The following SANBR variants were observed in gnomAD, a reference collection of about 807,000 sequenced individuals.
SANBR encodes SANT and BTB domain regulator of CSR.
SANBR carries 77 observed loss-of-function variants against 101.8 expected under a neutral mutation model. The observed-to-expected ratio is 0.76, with a 90% CI of 0.63 to 0.91. SANBR has a LOEUF of 0.91. Ranked by LOEUF, SANBR falls within the 40% of genes least tolerant of loss-of-function variation. The probability of loss-of-function intolerance (pLI) is 0.00; values close to 1 mark genes in which losing one functional copy is unlikely to be tolerated. For synonymous variants in SANBR, 279 were observed against 274.7 expected (o/e 1.02, Z -0.15); for missense variants, 875 against 853.0 (o/e 1.03, Z -0.32).
intron 8 of SANBR, among the ~76,000 whole-genome samples, chr2:61,083,855 C>T (rs956351525): frequency 1.3e-5 from 2 of 149,156 alleles, no homozygotes; most frequent in Admixed American, 6.7e-5. Flanking sequence ...GGTGACAGAG[C>T]GAGACTCCGT....
chr2:61,105,991 C>T (rs1385481082), intron 13 of SANBR, among the ~76,000 whole-genome samples: 1 of 152,154 alleles, frequency 6.6e-6, no homozygotes, highest in East Asian at 1.9e-4. Flanking sequence ...TAAAGCAGTA[C>T]CAATTATAGC....
chr2:61,122,068 C>T, intron 21 of SANBR, 58 bp from the exon 22 acceptor site: 10 of 1,535,672 alleles, frequency 6.5e-6, no homozygotes, highest in Non-Finnish European at 8.8e-6. Flanking sequence ...TAAAGGAGCA[C>T]CAACTTCCTA....
At chr2:61,081,790 A>G (rs1360213078) in intron 7 of SANBR, among the ~76,000 whole-genome samples, 2 of 152,108 alleles carry the variant, frequency 1.3e-5, no homozygotes, top group African/African-American at 4.8e-5. Context: ...CTGGGACTAC[A>G]GGCGCATGCC....
chr2:61,071,646 C>T lies in SANBR; in HGVS notation c.191C>T (p.Ser64Leu), dbSNP rs747454937. ...RFDELKSSGS[S>L]PVDNQYNSLM... Reference sequence around the variant, plus strand: ...GATGAATTAAAGAGCAGTGGAAGCTCGCCTGTTGACAACCAGTATAATTCC... The same window carrying T: ...GATGAATTAAAGAGCAGTGGAAGCTTGCCTGTTGACAACCAGTATAATTCC... The change falls in exon 4 of 22, where the codon TCG becomes TTG. Residue 64 changes from serine (S) to leucine (L), a missense_variant. By Grantham distance (145) the Ser-to-Leu change is moderately radical. Coordinates refer to ENST00000402291, the MANE Select transcript of SANBR (RefSeq NM_001129993.3). 9 of 1,581,548 alleles carry T rather than the reference C, an allele frequency of 5.7e-6. No individual in the cohort carries two copies. Among genetic ancestry groups the T allele is most frequent in the Non-Finnish European group, 6.8e-6 (8 of 1,169,762 alleles).
At chr2:61,121,340 A>AATCATATGAACACTAGAAACAT in intron 21 of SANBR, 64 bp downstream of exon 21, 3 of 1,087,924 alleles carry the variant, frequency 2.8e-6, no homozygotes, top group Non-Finnish European at 4.1e-6. Context: ...TTTTAAGATA[A>AATCATATGAACACTAGAAACAT]ATCATATGAA....
chr2:61,099,847 G>A (rs574347358), intron 12 of SANBR, among the ~76,000 whole-genome samples: 3 of 152,282 alleles, frequency 2.0e-5, no homozygotes, highest in African/African-American at 7.2e-5. Flanking sequence ...AGAGTGGACT[G>A]TGGTGCCTAA....
At chr2:61,066,136 G>A (rs1483505205) in intron 1 of SANBR, 109 bp downstream of exon 1, 1 of 152,248 alleles carries the variant, frequency 6.6e-6, no homozygotes, top group African/African-American at 2.4e-5. Flanking sequence ...CCCACCCCGG[G>A]CGGGGTCCCA....
Position 61,070,744 on chromosome 2 carries a change from AAT to A in SANBR, c.150+251_150+252del, listed in dbSNP as rs201414623. Among the ~76,000 whole-genome samples the A allele has an allele frequency of 8.8e-5, 13 of 147,190 alleles. No individual in the cohort carries two copies. In the East Asian group the frequency reaches 2.5e-3, roughly 29 times the overall value. The stretch of plus-strand genomic sequence containing the variant: ...ATTTATATATAATATTTTATATATA[AAT>A]ATATATTTTATATTATATATATATT... On this transcript the variant is annotated intron_variant, in intron 3 of 21. Transcript: ENST00000402291.
At chr2:61,108,139 G>T (rs538599302) in intron 14 of SANBR, among the ~76,000 whole-genome samples, 178 bp from the exon 15 acceptor site, 1 of 152,258 alleles carries the variant, frequency 6.6e-6, no homozygotes, top group Non-Finnish European at 1.5e-5. Flanking sequence ...TCCTCCTCTA[G>T]CAGAGGATAT....
intron 4 of SANBR, 52 bp downstream of exon 4, chr2:61,071,844 A>T: frequency 1.8e-6 from 2 of 1,091,352 alleles, no homozygotes; most frequent in Non-Finnish European, 2.7e-6. Flanking sequence ...ATTCTGCAGA[A>T]TATTATATAT....
intron 1 of SANBR, among the ~76,000 whole-genome samples, chr2:61,067,137 G>A (rs901993582): frequency 8.5e-5 from 13 of 152,192 alleles, no homozygotes; most frequent in African/African-American, 2.9e-4. Flanking sequence ...TTCAGACTCT[G>A]ATTTCTTGGA....
chr2:61,082,348 A>G (rs1682177942), intron 7 of SANBR, among the ~76,000 whole-genome samples: 1 of 152,202 alleles, frequency 6.6e-6, no homozygotes, highest in Admixed American at 6.5e-5. Flanking sequence ...TATTTGGAAG[A>G]ATACATGATT....
In SANBR at chr2:61,106,670, GT is replaced by G. The variant is rs777991880; in HGVS notation, c.1611+16del. 7.0e-5 allele frequency: 104 copies of G among 1,478,542 alleles called. No homozygotes were observed. Among genetic ancestry groups the G allele is most frequent in the Non-Finnish European group, 8.9e-5 (97 of 1,086,124 alleles). 91.6% of individuals were successfully genotyped at this position (1,478,542 alleles called of 1,614,324 possible). A position where few individuals can be genotyped will look rare whatever the true frequency, so the allele number is the denominator to read the frequency against. On this transcript the variant is annotated intron_variant, in intron 14 of 21. Coordinates refer to ENST00000402291, the MANE Select transcript of SANBR (RefSeq NM_001129993.3). ...ACTGGGGAGCTCAATGCTGTGAGTA[GT>G]TTTTTTTCACTTATTCTTTATTTAC...
At chr2:61,070,737 A>T (rs1315579744) in intron 3 of SANBR, among the ~76,000 whole-genome samples, 1 of 147,266 alleles carries the variant, frequency 6.8e-6, no homozygotes, top group African/African-American at 2.5e-5. Context: ...ATAATATTTT[A>T]TATATAAATA....
At chr2:61,114,814 C>A (rs1683996589) in intron 16 of SANBR, among the ~76,000 whole-genome samples, 1 of 152,084 alleles carries the variant, frequency 6.6e-6, no homozygotes, top group Non-Finnish European at 1.5e-5. Context: ...CACCACCATG[C>A]CCAGCTAATC....
intron 6 of SANBR, 131 bp from the exon 7 acceptor site, chr2:61,081,321 C>A: frequency 1.2e-6 from 1 of 866,258 alleles, no homozygotes. Flanking sequence ...GTATCTAACC[C>A]ATAAGCTATA....
rs750669846 is a variant in SANBR, at chr2:61,083,208, C to G, written c.784C>G (p.Pro262Ala). 5 of 1,611,198 alleles carry G rather than the reference C, an allele frequency of 3.1e-6. No individual in the cohort carries two copies. Among genetic ancestry groups the G allele is most frequent in the South Asian group, 2.2e-5 (2 of 91,018 alleles). ...HKNMNAIVATPCNMNCINANL... is the reference protein window; with the variant it reads ...HKNMNAIVATACNMNCINANL... ...AAATATGAATGCCATAGTAGCTACCCCATGCAACATGAACTGTATTAATGC... is the reference window on the plus strand; with the variant it reads ...AAATATGAATGCCATAGTAGCTACCGCATGCAACATGAACTGTATTAATGC... The change falls in exon 8 of 22, where the codon CCA becomes GCA. Residue 262 changes from proline (P) to alanine (A), a missense_variant. Physicochemically the swap from Pro to Ala is conservative, Grantham distance 27. Transcript: ENST00000402291.
At chr2:61,136,343 A>T (rs1684847959) in intron 21 of SANBR, among the ~76,000 whole-genome samples, 1 of 150,900 alleles carries the variant, frequency 6.6e-6, no homozygotes, top group African/African-American at 2.4e-5. Context: ...AAATCAATAT[A>T]AGTGATGGCA....
intron 17 of SANBR, chr2:61,117,054 C>G: frequency 2.7e-6 from 1 of 376,072 alleles, no homozygotes; most frequent in Admixed American, 4.1e-5. Context: ...GAGACCCTGT[C>G]TTCAAAAAAA....
Sources: gnomAD v4.1 joint callset for allele counts (sites outside exome capture counted in the v4.1 genomes callset) on GRCh38, gnomAD v4.1.1 for gene constraint, MANE v1.5 for transcripts, NCBI Gene and HGNC (gene_info 2026-07-23, HGNC 2026-07-21) for gene names.